Variants in TOX observed in about 807,000 individuals in gnomAD.
TOX encodes the protein thymocyte selection-associated high mobility group box protein TOX.
Under a neutral mutation model 53.7 loss-of-function variants are expected in TOX, and 11 were observed. The ratio of observed to expected loss-of-function variants is 0.20; its 90% CI spans 0.13 to 0.34. The LOEUF (loss-of-function observed/expected upper bound fraction) is 0.34, where lower values mean the gene tolerates loss of function less well. TOX is among the 10% of genes least tolerant of loss of function. The pLI is 1.00. For missense variants in TOX, 570 were observed against 664.6 expected (o/e 0.86, Z 1.56); for synonymous variants, 225 against 245.3 (o/e 0.92, Z 0.77).
chr8:58,921,217 G>A (rs933066759), intron 3 of TOX, among the ~76,000 whole-genome samples: 1 of 152,150 alleles, frequency 6.6e-6, no homozygotes, highest in South Asian at 2.1e-4. Context: ...ATTAAAAGTT[G>A]TTTCTGCTTT....
At chr8:58,886,103 A>G (rs776486737) in intron 3 of TOX, among the ~76,000 whole-genome samples, 39 of 152,256 alleles carry the variant, frequency 2.6e-4, no homozygotes, top group Non-Finnish European at 4.0e-4. Flanking sequence ...AGAGTCTAAA[A>G]GGGGACAGCC....
chr8:58,936,803 T>G (rs1020270808), intron 3 of TOX, among the ~76,000 whole-genome samples: 6 of 152,184 alleles, frequency 3.9e-5, no homozygotes, highest in African/African-American at 1.4e-4. Context: ...TTGGGCTTAA[T>G]ATAGACTTAA....
intron 3 of TOX, among the ~76,000 whole-genome samples, chr8:58,873,890 CAG>C (rs200388307): frequency 0.029 from 4,262 of 148,068 alleles, 179 homozygotes; most frequent in African/African-American, 0.091. Flanking sequence ...GGGCAGAGAC[CAG>C]AGATTTCCTG....
chr8:59,083,316 A>G (rs1239017744), intron 1 of TOX, among the ~76,000 whole-genome samples: 1 of 152,244 alleles, frequency 6.6e-6, no homozygotes, highest in Non-Finnish European at 1.5e-5. Flanking sequence ...TAGCTGCATC[A>G]ATTTTAAATA....
At chr8:58,814,419 A>T (rs1050070064) in intron 7 of TOX, 1 of 152,178 alleles carries the variant, frequency 6.6e-6, no homozygotes, top group Non-Finnish European at 1.5e-5. Context: ...CAGTCTCCAT[A>T]GAGACTATAA....
Position 59,000,122 on chromosome 8 carries a change from A to G in TOX, c.103-40114T>C, listed in dbSNP as rs1033893041. Among the ~76,000 whole-genome samples the G allele has an allele frequency of 3.9e-5, 6 of 152,314 alleles. No homozygotes were observed. In the South Asian group the frequency reaches 8.3e-4, roughly 21 times the overall value. On this transcript the variant is annotated intron_variant, in intron 1 of 8. Coordinates refer to ENST00000361421, the MANE Select transcript of TOX (RefSeq NM_014729.3). Reference sequence around the variant, plus strand: ...CATGTCTTTTTAGGGGTAGAATTTGATCTAAAGAAATCTACTATGTACAGG... The same window carrying G: ...CATGTCTTTTTAGGGGTAGAATTTGGTCTAAAGAAATCTACTATGTACAGG...
chr8:58,898,078 C>T (rs1432557489), intron 3 of TOX, among the ~76,000 whole-genome samples: 1 of 152,024 alleles, frequency 6.6e-6, no homozygotes, highest in East Asian at 1.9e-4. Context: ...ATTAAAAATC[C>T]TTTATCTGGT....
intron 1 of TOX, among the ~76,000 whole-genome samples, chr8:59,077,112 G>A (rs1176308650): frequency 6.6e-6 from 1 of 152,202 alleles, no homozygotes; most frequent in Non-Finnish European, 1.5e-5. Flanking sequence ...GCAGAGCTCT[G>A]ACCCACACCC....
chr8:59,053,033 A>G (rs1803821111), intron 1 of TOX, among the ~76,000 whole-genome samples: 1 of 152,200 alleles, frequency 6.6e-6, no homozygotes, highest in African/African-American at 2.4e-5. Flanking sequence ...TGGCAATAAA[A>G]CTAATGATAA....
At chr8:59,007,260 T>C (rs1813808351) in intron 1 of TOX, among the ~76,000 whole-genome samples, 1 of 152,106 alleles carries the variant, frequency 6.6e-6, no homozygotes, top group South Asian at 2.1e-4. Context: ...TTCTTTTTAC[T>C]ATACTTTATG....
chr8:59,092,282 T>TATATTA (rs1554545758), intron 1 of TOX, among the ~76,000 whole-genome samples: 1 of 108,394 alleles, frequency 9.2e-6, no homozygotes, highest in Admixed American at 1.0e-4. Context: ...TATATATATA[T>TATATTA]TATATATACA....
chr8:59,085,828 G>T (rs1450221698), intron 1 of TOX, among the ~76,000 whole-genome samples: 1 of 152,148 alleles, frequency 6.6e-6, no homozygotes, highest in African/African-American at 2.4e-5. Flanking sequence ...AGGAAAGGAG[G>T]TAGGAGAGAC....
At chr8:59,066,845 C>G (rs1804102414) in intron 1 of TOX, among the ~76,000 whole-genome samples, 1 of 152,186 alleles carries the variant, frequency 6.6e-6, no homozygotes, top group Non-Finnish European at 1.5e-5. Context: ...GCTTGAGGGT[C>G]AAACTCATTA....
intron 3 of TOX, among the ~76,000 whole-genome samples, chr8:58,878,411 T>C (rs1214657569): frequency 1.3e-5 from 2 of 152,232 alleles, no homozygotes; most frequent in African/African-American, 4.8e-5. Flanking sequence ...ATCATCTTTC[T>C]TCTCAATCAT....
At chr8:58,991,328 A>G (rs1243472857) in intron 1 of TOX, among the ~76,000 whole-genome samples, 4 of 152,260 alleles carry the variant, frequency 2.6e-5, no homozygotes, top group Non-Finnish European at 5.9e-5. Context: ...AGCTAGAAAG[A>G]GTGACTCACT....
intron 1 of TOX, among the ~76,000 whole-genome samples, chr8:59,112,222 A>C (rs997620088): frequency 1.3e-5 from 2 of 152,186 alleles, no homozygotes; most frequent in African/African-American, 4.8e-5. Flanking sequence ...CATTTTCAAA[A>C]TGAATGCTGT....
intron 1 of TOX, among the ~76,000 whole-genome samples, chr8:59,073,384 GAAT>G (rs752199549): frequency 4.5e-4 from 69 of 152,110 alleles, no homozygotes; most frequent in Non-Finnish European, 9.0e-4. Flanking sequence ...TTCAAAAAAT[GAAT>G]AAAAACAACA....
intron 3 of TOX, among the ~76,000 whole-genome samples, chr8:58,855,020 A>G (rs1301595297): frequency 1.3e-5 from 2 of 152,194 alleles, no homozygotes; most frequent in African/African-American, 4.8e-5. Context: ...GTCAAATGCA[A>G]AACCTGAAGT....
At chr8:59,063,701 C>T (rs541863859) in intron 1 of TOX, among the ~76,000 whole-genome samples, 2 of 152,230 alleles carry the variant, frequency 1.3e-5, no homozygotes, top group South Asian at 4.1e-4. Context: ...GGATTACACC[C>T]TAAGCCACTG....
Sources: allele counts gnomAD v4.1 joint callset (sites outside exome capture counted in the v4.1 genomes callset), GRCh38; gene constraint gnomAD v4.1.1; transcripts MANE v1.5; gene names NCBI Gene and HGNC (gene_info 2026-07-23, HGNC 2026-07-21).